The following WNK2 variants were observed in gnomAD, a reference collection of about 807,000 sequenced individuals.
WNK2 encodes serine/threonine-protein kinase WNK2.
Under a neutral mutation model 192.1 loss-of-function variants are expected in WNK2, and 67 were observed. That is an observed-to-expected ratio of 0.35 (90% CI 0.29 to 0.43). The LOEUF (loss-of-function observed/expected upper bound fraction) is 0.43, where lower values mean the gene tolerates loss of function less well. Among genes scored for constraint, WNK2 ranks in the 20% least tolerant of loss-of-function variants. The pLI, the probability that WNK2 is intolerant of heterozygous loss-of-function variation, is 1.00. For missense variants in WNK2, 2,698 were observed against 3,089.7 expected (o/e 0.87, Z 3.01); for synonymous variants, 1,439 against 1,393.9 (o/e 1.03, Z -0.72).
chr9:93,253,197 A>G (rs1842835183), intron 9 of WNK2, 115 bp downstream of exon 9: 1 of 947,310 alleles, frequency 1.1e-6, no homozygotes, highest in Non-Finnish European at 1.4e-6. Flanking sequence ...TGTGGTCAGC[A>G]TTAAAAGTGG....
chr9:93,241,249 C>T (rs1485285819), intron 7 of WNK2, among the ~76,000 whole-genome samples: 1 of 152,212 alleles, frequency 6.6e-6, no homozygotes, highest in Non-Finnish European at 1.5e-5. Flanking sequence ...ATGTCTGCAC[C>T]GGAACAGGTG....
At position 93,292,631 on chromosome 9, in the gene WNK2, C is replaced by T. The variant is rs755977188; in HGVS notation, c.5166C>T (p.Gly1722=). Residue 1722 remains glycine, a synonymous_variant, in exon 23 of 30, where the codon GGC becomes GGT. Coordinates refer to ENST00000427277, the MANE Select transcript of WNK2 (RefSeq NM_006648.4). ...GGQASHPQTL[G]ARALGSPRKR... is the part of the protein sequence containing the mutation. ...AGGCTAGCCACCCCCAGACACTCGG[C>T]GCTCGAGCTTTGGGGTCCCCTCGGA... 3.3e-5 allele frequency: 52 copies of T among 1,582,658 alleles called. No homozygotes were observed. Among genetic ancestry groups the T allele is most frequent in the Non-Finnish European group, 3.8e-5 (44 of 1,164,816 alleles).
chr9:93,218,751 G>T (rs976457296), intron 2 of WNK2, among the ~76,000 whole-genome samples: 1 of 152,240 alleles, frequency 6.6e-6, no homozygotes, highest in Non-Finnish European at 1.5e-5. Flanking sequence ...GTCCATGTTG[G>T]GGGTGTGTGT....
At chr9:93,189,301 A>G (rs1309488737) in intron 2 of WNK2, among the ~76,000 whole-genome samples, 1 of 152,118 alleles carries the variant, frequency 6.6e-6, no homozygotes, top group Non-Finnish European at 1.5e-5. Context: ...GTTTCCCAAG[A>G]TGGTGCTGGG....
In WNK2 at chr9:93,185,015, C is replaced by T; in HGVS notation, c.86C>T (p.Pro29Leu). The T allele has an allele frequency of 8.0e-7, 1 of 1,252,504 alleles. No individual in the cohort carries two copies. Among genetic ancestry groups the T allele is most frequent in the Non-Finnish European group, 1.0e-6 (1 of 1,003,464 alleles). The allele number at this position is 1,252,504 out of a possible 1,614,324, so 77.6% of individuals were successfully genotyped here. Residue 29 changes from proline to leucine, a missense_variant, in exon 2 of 30, where the codon CCT becomes CTT. Coordinates refer to ENST00000427277, the MANE Select transcript of WNK2 (RefSeq NM_006648.4). Reference protein sequence around the residue: ...RGAGPAGMAEPRAKAARPGPQ... With the variant: ...RGAGPAGMAELRAKAARPGPQ... ...GCGGGGCCCGCGGGCATGGCGGAGC[C>T]TCGGGCGAAGGCGGCGCGGCCGGGG...
intron 2 of WNK2, among the ~76,000 whole-genome samples, chr9:93,188,726 C>T (rs541170061): frequency 6.6e-5 from 10 of 152,298 alleles, no homozygotes; most frequent in South Asian, 2.1e-4. Context: ...GGCTCCGTGT[C>T]GGCTCTGGGA....
chr9:93,250,768 A>AATGAACTCAT (rs1564086211), intron 8 of WNK2, among the ~76,000 whole-genome samples: 2 of 150,816 alleles, frequency 1.3e-5, no homozygotes, highest in African/African-American at 4.9e-5. Flanking sequence ...TTGTGTAATT[A>AATGAACTCAT]ATGAACTCAT....
chr9:93,268,892 T>TG, intron 19 of WNK2, 146 bp downstream of exon 19: 1 of 1,568,210 alleles, frequency 6.4e-7, no homozygotes, highest in Non-Finnish European at 8.6e-7. Flanking sequence ...GAGCAGCCTG[T>TG]GGGGCTGTGT....
chr9:93,209,591 T>C (rs976971905), intron 2 of WNK2, among the ~76,000 whole-genome samples: 7 of 152,218 alleles, frequency 4.6e-5, no homozygotes, highest in Admixed American at 1.3e-4. Flanking sequence ...GGTTTTGGGG[T>C]GCGGTTGAGG....
chr9:93,184,466 C>T (rs1828887704), intron 1 of WNK2, among the ~76,000 whole-genome samples, 81 bp downstream of exon 1: 1 of 151,952 alleles, frequency 6.6e-6, no homozygotes, highest in Non-Finnish European at 1.5e-5. Flanking sequence ...CCCGCGCGCC[C>T]CTCCCGCGCC....
intron 2 of WNK2, among the ~76,000 whole-genome samples, chr9:93,216,404 C>T (rs560816206): frequency 5.9e-5 from 9 of 152,140 alleles, no homozygotes; most frequent in African/African-American, 2.2e-4. Context: ...CCAGCATTTT[C>T]GGAGGCTGAG....
intron 2 of WNK2, among the ~76,000 whole-genome samples, chr9:93,215,474 A>G (rs1009974917): frequency 2.6e-5 from 4 of 152,094 alleles, no homozygotes; most frequent in Non-Finnish European, 4.4e-5. Context: ...CCCCATTTAC[A>G]CATAGGTTGG....
At chr9:93,218,308 T>TCCATGGTGC (rs1018088127) in intron 2 of WNK2, among the ~76,000 whole-genome samples, 25 of 152,154 alleles carry the variant, frequency 1.6e-4, no homozygotes, top group Non-Finnish European at 3.5e-4. Flanking sequence ...CTGACCTGTG[T>TCCATGGTGC]CCCTGGTGCT....
chr9:93,277,838 T>G (rs1370762652), intron 19 of WNK2, among the ~76,000 whole-genome samples: 1 of 152,162 alleles, frequency 6.6e-6, no homozygotes, highest in African/African-American at 2.4e-5. Context: ...TATGGTAAGT[T>G]TTAAAGTTCT....
At chr9:93,234,556 A>T (rs901190884) in intron 4 of WNK2, among the ~76,000 whole-genome samples, 2 of 152,092 alleles carry the variant, frequency 1.3e-5, no homozygotes, top group Admixed American at 6.5e-5. Flanking sequence ...TGAGCAGGGG[A>T]TGGCTCTGTC....
At chr9:93,288,669 A>T in intron 19 of WNK2, 119 bp from the exon 20 acceptor site, 2 of 1,062,162 alleles carry the variant, frequency 1.9e-6, no homozygotes, top group East Asian at 2.7e-5. Flanking sequence ...CGGGAAACAG[A>T]GAAGACCAGC....
intron 2 of WNK2, among the ~76,000 whole-genome samples, chr9:93,208,782 G>GTCAGTGTGTT (rs1491331413): frequency 1.1e-5 from 1 of 88,946 alleles, no homozygotes; most frequent in African/African-American, 5.1e-5. Context: ...GTGTTCTGCG[G>GTCAGTGTGTT]CTGTGTGTGC....
In WNK2 at chr9:93,263,694, G is replaced by C; in HGVS notation, c.3539G>C (p.Arg1180Pro). ...HHRRSTRARS[R>P]QERASRPRLT... ...CGCAGGTCCACGCGTGCGCGCTCCCGGCAGGAGAGGGCCAGCCGGCCCCGG... is the reference window on the plus strand; with the variant it reads ...CGCAGGTCCACGCGTGCGCGCTCCCCGCAGGAGAGGGCCAGCCGGCCCCGG... The change falls in exon 15 of 30, where the codon CGG becomes CCG. Residue 1180 changes from arginine to proline, a missense_variant. Physicochemically the swap from Arg to Pro is moderately radical, Grantham distance 103. Around this residue, in one of 7 missense-constraint regions of WNK2, gnomAD observed 893 missense variants for 909.0 expected, o/e 0.98. Coordinates refer to ENST00000427277, the MANE Select transcript of WNK2 (RefSeq NM_006648.4). 6.4e-7 allele frequency: 1 copy of C among 1,552,292 alleles called. No homozygotes were observed. Among genetic ancestry groups the C allele is most frequent in the Non-Finnish European group, 8.7e-7 (1 of 1,155,252 alleles).
rs907677603 is a variant in WNK2 at position 93,239,344 on chromosome 9, TG to T, written c.1323-407del. Among the ~76,000 whole-genome samples the T allele has an allele frequency of 2.6e-5, 4 of 152,138 alleles. No individual in the cohort carries two copies. The highest frequency in any genetic ancestry group is 9.7e-5 in the African/African-American group (4 of 41,432). ...CACTGGGCACAGGGAGCTCAGAGCG[TG>T]GGGGGCTCCGCCTCTGTGTCCATTT... On this transcript the variant is annotated intron_variant, in intron 6 of 29. Transcript: ENST00000427277. This position sits in a 1 kb window ranked among gnomAD's most constrained non-coding sequence, Gnocchi z 4.2.
Sources: allele counts gnomAD v4.1 joint callset (sites outside exome capture counted in the v4.1 genomes callset), GRCh38; gene constraint gnomAD v4.1.1; regional missense constraint gnomAD v4.1.1; non-coding constraint Gnocchi (gnomAD v3.1); transcripts MANE v1.5; gene names NCBI Gene and HGNC (gene_info 2026-07-23, HGNC 2026-07-21).